The following ITPR1 variants were observed in gnomAD, a reference collection of about 807,000 sequenced individuals.
The protein encoded by ITPR1 is inositol 1,4,5-trisphosphate receptor type 1.
Under a neutral mutation model 318.4 loss-of-function variants are expected in ITPR1, and 96 were observed. The observed-to-expected ratio is 0.30, with a 90% CI of 0.26 to 0.36. ITPR1 has a LOEUF of 0.36. Among genes scored for constraint, ITPR1 ranks in the 10% least tolerant of loss-of-function variants. The pLI, the probability that ITPR1 is intolerant of heterozygous loss-of-function variation, is 1.00. For missense variants in ITPR1, 2,440 were observed against 3,460.2 expected (o/e 0.71, Z 7.40); for synonymous variants, 1,312 against 1,289.9 (o/e 1.02, Z -0.37).
At chr3:4,800,183 G>T in intron 53 of ITPR1, 1 of 511,866 alleles carries the variant, frequency 2.0e-6, no homozygotes, top group Non-Finnish European at 3.4e-6. Flanking sequence ...TAATGTCAAA[G>T]CTAAGACCTG....
intron 4 of ITPR1, among the ~76,000 whole-genome samples, chr3:4,566,805 C>T (rs1010746886): frequency 2.0e-5 from 3 of 152,212 alleles, no homozygotes; most frequent in Non-Finnish European, 2.9e-5. Context: ...ATTCTGTTGG[C>T]ACCAAGAGTA....
chr3:4,604,338 A>G (rs2091533738), intron 4 of ITPR1, among the ~76,000 whole-genome samples: 1 of 152,126 alleles, frequency 6.6e-6, no homozygotes, highest in African/African-American at 2.4e-5. Context: ...GGTAGGCAGG[A>G]TGGAAGTCAG....
intron 36 of ITPR1, among the ~76,000 whole-genome samples, chr3:4,705,439 G>A (rs1486877509): frequency 2.6e-5 from 4 of 152,128 alleles, no homozygotes; most frequent in Non-Finnish European, 2.9e-5. Flanking sequence ...TTTTCCCACT[G>A]CTGTCCCTTG....
intron 4 of ITPR1, among the ~76,000 whole-genome samples, chr3:4,546,069 CG>C (rs2084966344): frequency 1.3e-5 from 2 of 152,000 alleles, no homozygotes; most frequent in South Asian, 4.1e-4. Flanking sequence ...TTTAGAGGTT[CG>C]GGGGATTAAA....
chr3:4,755,942 A>G (rs1169216888), intron 44 of ITPR1, among the ~76,000 whole-genome samples: 3 of 152,216 alleles, frequency 2.0e-5, no homozygotes, highest in Non-Finnish European at 2.9e-5. Context: ...TTCTGAACTC[A>G]TTAAAGCTGG....
At chr3:4,805,844 A>G (rs1428801697) in intron 54 of ITPR1, among the ~76,000 whole-genome samples, 7 of 152,218 alleles carry the variant, frequency 4.6e-5, no homozygotes, top group African/African-American at 1.7e-4. Context: ...TGTTTTTGCC[A>G]TAGAGAAATG....
chr3:4,818,670 T>C (rs1466316494), intron 60 of ITPR1, among the ~76,000 whole-genome samples: 1 of 152,190 alleles, frequency 6.6e-6, no homozygotes, highest in African/African-American at 2.4e-5. Context: ...CAGTCCAGCA[T>C]GGTTTGTGTT....
At chr3:4,562,613 T>A (rs9832410) in intron 4 of ITPR1, among the ~76,000 whole-genome samples, 5 of 151,858 alleles carry the variant, frequency 3.3e-5, no homozygotes, top group Non-Finnish European at 7.4e-5. Flanking sequence ...CAACCCTGTA[T>A]GTTGAGATTT....
intron 4 of ITPR1, among the ~76,000 whole-genome samples, chr3:4,542,686 G>GGA (rs1559415541): frequency 8.0e-6 from 1 of 125,186 alleles, no homozygotes; most frequent in Non-Finnish European, 1.8e-5. Flanking sequence ...TGTGTGGCGG[G>GGA]GGGGTGGGTC....
intron 55 of ITPR1, among the ~76,000 whole-genome samples, chr3:4,809,352 T>C (rs2048789292): frequency 6.6e-6 from 1 of 152,258 alleles, no homozygotes. Flanking sequence ...ACATCTTGAC[T>C]GTTTTTAAAA....
chr3:4,655,075 A>G (rs1331011339), intron 12 of ITPR1, among the ~76,000 whole-genome samples: 1 of 152,024 alleles, frequency 6.6e-6, no homozygotes, highest in Non-Finnish European at 1.5e-5. Context: ...TGCATGAGGA[A>G]CTCTGTGGTA....
At chr3:4,550,740 CA>C (rs1405349908) in intron 4 of ITPR1, among the ~76,000 whole-genome samples, 6 of 152,036 alleles carry the variant, frequency 3.9e-5, no homozygotes, top group African/African-American at 1.4e-4. Flanking sequence ...GTTAGCGAGG[CA>C]TAGTGGTACA....
chr3:4,729,596 T>C (rs2042759406), intron 42 of ITPR1, among the ~76,000 whole-genome samples: 1 of 152,256 alleles, frequency 6.6e-6, no homozygotes, highest in South Asian at 2.1e-4. Flanking sequence ...TGTTCAACAC[T>C]GGCTCTCTTC....
Position 4,683,738 on chromosome 3 carries a change from G to T in ITPR1, c.3438G>T (p.Gly1146=). 4 of 1,614,006 alleles carry T rather than the reference G, an allele frequency of 2.5e-6. No homozygotes were observed. The highest frequency in any genetic ancestry group is 3.4e-6 in the Non-Finnish European group (4 of 1,179,868). The change falls in exon 28 of 62, where the codon GGG becomes GGT. Residue 1146 remains glycine (G), a synonymous_variant. Coordinates refer to ENST00000649015, the MANE Select transcript of ITPR1 (RefSeq NM_001378452.1). ...AGTCAGAGCTTTGGGTGTACAAAGG[G>T]CAGGGCCCCGATGAGACTATGGATG... ...VEKSELWVYK[G]QGPDETMDGA...
chr3:4,520,595 T>G (rs1287341357), intron 3 of ITPR1, among the ~76,000 whole-genome samples: 4 of 152,188 alleles, frequency 2.6e-5, no homozygotes, highest in African/African-American at 9.6e-5. Flanking sequence ...TAGATTATAT[T>G]CTCCTTATCA....
chr3:4,762,279 C>A (rs759885360), intron 44 of ITPR1, among the ~76,000 whole-genome samples: 9 of 152,184 alleles, frequency 5.9e-5, no homozygotes, highest in African/African-American at 2.2e-4. Flanking sequence ...TGCCTGAGCT[C>A]CTGGTAGCTT....
chr3:4,616,097 A>G (rs891804514), intron 4 of ITPR1, among the ~76,000 whole-genome samples: 2 of 152,246 alleles, frequency 1.3e-5, no homozygotes, highest in East Asian at 1.9e-4. Flanking sequence ...AGCAGACACA[A>G]CAGTGTTTCA....
intron 4 of ITPR1, among the ~76,000 whole-genome samples, chr3:4,572,240 G>C (rs1178519071): frequency 1.3e-5 from 2 of 152,080 alleles, no homozygotes; most frequent in South Asian, 2.1e-4. Context: ...TGTCCATTTG[G>C]ATGTATCTCA....
intron 41 of ITPR1, 44 bp from the exon 42 acceptor site, chr3:4,727,082 C>T (rs913911782): frequency 6.0e-6 from 9 of 1,489,206 alleles, no homozygotes; most frequent in Non-Finnish European, 8.3e-6. Flanking sequence ...ATGGTAGTGT[C>T]TCCTTAGTGT....
Sources: gnomAD v4.1 joint callset for allele counts (sites outside exome capture counted in the v4.1 genomes callset) on GRCh38, gnomAD v4.1.1 for gene constraint, MANE v1.5 for transcripts, NCBI Gene and HGNC (gene_info 2026-07-23, HGNC 2026-07-21) for gene names.